ZFPM2: variants seen among roughly 807,000 people sequenced by gnomAD.
The protein encoded by ZFPM2 is zinc finger protein, FOG family member 2, also known as zinc finger protein ZFPM2.
In ZFPM2, 20 loss-of-function variants were observed where a neutral mutation model predicts 98.6. The observed-to-expected ratio is 0.20, with a 90% confidence interval of 0.14 to 0.29. ZFPM2 has a LOEUF of 0.29. ZFPM2 is among the 10% of genes least tolerant of loss of function. The pLI, the probability that ZFPM2 is intolerant of heterozygous loss-of-function variation, is 1.00. For missense variants in ZFPM2, 1,310 were observed against 1,388.6 expected (o/e 0.94, Z 0.90); for synonymous variants, 518 against 502.7 (o/e 1.03, Z -0.41).
intron 5 of ZFPM2, among the ~76,000 whole-genome samples, chr8:105,739,609 CT>C (rs952633959): frequency 5.0e-4 from 72 of 144,892 alleles, no homozygotes; most frequent in Admixed American, 6.2e-4. Context: ...TAAATTTTTG[CT>C]TTTTTTTTTT....
intron 3 of ZFPM2, among the ~76,000 whole-genome samples, chr8:105,483,150 G>A (rs1474714183): frequency 2.0e-5 from 3 of 151,634 alleles, no homozygotes; most frequent in African/African-American, 4.9e-5. Context: ...CATGAGCCAC[G>A]GCACACAGCC....
At chr8:105,609,447 GA>G in intron 4 of ZFPM2, among the ~76,000 whole-genome samples, 1 of 152,190 alleles carries the variant, frequency 6.6e-6, no homozygotes, top group Non-Finnish European at 1.5e-5. Context: ...TGGGAAGTGA[GA>G]GTTTTAAAGA....
At chr8:105,751,494 A>C (rs890573554) in intron 5 of ZFPM2, among the ~76,000 whole-genome samples, 2 of 152,082 alleles carry the variant, frequency 1.3e-5, no homozygotes, top group African/African-American at 4.8e-5. Context: ...CTCTGACCTC[A>C]TGACTCACAA....
intron 3 of ZFPM2, among the ~76,000 whole-genome samples, chr8:105,517,707 C>CCACACACACACACACCACACACACA (rs1813962175): frequency 8.0e-6 from 1 of 124,890 alleles, no homozygotes; most frequent in Admixed American, 8.2e-5. Flanking sequence ...CACACACACA[C>CCACACACACACACACCACACACACA]CACACACACA....
intron 1 of ZFPM2, among the ~76,000 whole-genome samples, chr8:105,346,765 A>G (rs1220284928): frequency 2.0e-5 from 3 of 152,186 alleles, no homozygotes; most frequent in Admixed American, 2.0e-4. Context: ...AATATTTGGA[A>G]TGGGTTAAGG....
chr8:105,437,694 C>T (rs1726456744), intron 2 of ZFPM2, among the ~76,000 whole-genome samples: 1 of 152,140 alleles, frequency 6.6e-6, no homozygotes, highest in African/African-American at 2.4e-5. Flanking sequence ...AACTTAATTA[C>T]CATAATCTTT....
intron 3 of ZFPM2, among the ~76,000 whole-genome samples, chr8:105,558,128 G>A (rs1424325178): frequency 1.3e-5 from 2 of 151,192 alleles, no homozygotes; most frequent in African/African-American, 4.9e-5. Flanking sequence ...TTAATTTTTG[G>A]AAAAAAAATA....
At chr8:105,464,968 C>A (rs866425885) in intron 3 of ZFPM2, among the ~76,000 whole-genome samples, 2 of 146,850 alleles carry the variant, frequency 1.4e-5, no homozygotes, top group Non-Finnish European at 3.0e-5. Context: ...AAAAAAAAGT[C>A]TAACCTTTCT....
chr8:105,385,062 G>T (rs1326131849), intron 1 of ZFPM2, among the ~76,000 whole-genome samples: 1 of 152,102 alleles, frequency 6.6e-6, no homozygotes, highest in Non-Finnish European at 1.5e-5. Flanking sequence ...CAGCTCAGAA[G>T]TTACAAAGCC....
chr8:105,763,708 T>C (rs1211569860), intron 5 of ZFPM2, among the ~76,000 whole-genome samples: 3 of 151,878 alleles, frequency 2.0e-5, no homozygotes, highest in African/African-American at 7.2e-5. Context: ...GCTAAATATT[T>C]ATAGTTGAGT....
rs779273741 is a variant in ZFPM2, at chr8:105,803,159, C to T, written c.3077C>T (p.Ala1026Val). 58 of 1,613,728 alleles carry T rather than the reference C, an allele frequency of 3.6e-5. No individual in the cohort carries two copies. The South Asian group carries it at 3.6e-4, about 10-fold the overall frequency. ...CAGGCTTCCTCAAATGGGTGTGCTG[C>T]GCTGAAGAAAGATTCTCTGCCATTG... is the stretch of plus-strand genomic sequence containing the variant. ...KGQASSNGCAALKKDSLPLLP... is the reference protein window; with the variant it reads ...KGQASSNGCAVLKKDSLPLLP... The change falls in exon 8 of 8, where the codon GCG becomes GTG. Residue 1026 changes from alanine to valine, a missense_variant. Ala to Val is a moderately conservative substitution (Grantham distance 64, BLOSUM62 0). Coordinates refer to ENST00000407775, the MANE Select transcript of ZFPM2 (RefSeq NM_012082.4).
intron 4 of ZFPM2, among the ~76,000 whole-genome samples, chr8:105,620,789 A>T (rs192868437): frequency 2.0e-5 from 3 of 152,158 alleles, no homozygotes; most frequent in Non-Finnish European, 4.4e-5. Context: ...TAAATAGGGA[A>T]TCCTTTCCCC....
chr8:105,426,922 A>C (rs1811925297), intron 2 of ZFPM2, among the ~76,000 whole-genome samples: 1 of 152,130 alleles, frequency 6.6e-6, no homozygotes, highest in Non-Finnish European at 1.5e-5. Flanking sequence ...ATGCCACTGC[A>C]CTCCAGCCTG....
At chr8:105,455,796 G>T (rs1812577734) in intron 3 of ZFPM2, among the ~76,000 whole-genome samples, 1 of 152,184 alleles carries the variant, frequency 6.6e-6, no homozygotes, top group Admixed American at 6.5e-5. Flanking sequence ...CATGTTTATG[G>T]AGTAAGATGA....
At chr8:105,631,739 AT>A (rs1816758768) in intron 4 of ZFPM2, among the ~76,000 whole-genome samples, 1 of 152,150 alleles carries the variant, frequency 6.6e-6, no homozygotes, top group African/African-American at 2.4e-5. Context: ...AAGGCACAGG[AT>A]TGAGTTTGCT....
chr8:105,363,161 C>G (rs1810440364), intron 1 of ZFPM2, among the ~76,000 whole-genome samples: 2 of 152,104 alleles, frequency 1.3e-5, no homozygotes, highest in African/African-American at 4.8e-5. Flanking sequence ...TTCTTAGTAC[C>G]TCTTTCAAGG....
At chr8:105,461,745 T>C (rs1310972613) in intron 3 of ZFPM2, among the ~76,000 whole-genome samples, 2 of 152,172 alleles carry the variant, frequency 1.3e-5, no homozygotes, top group African/African-American at 2.4e-5. Flanking sequence ...ATGAGAGATA[T>C]AAGAGCGAAC....
intron 5 of ZFPM2, among the ~76,000 whole-genome samples, chr8:105,700,655 G>T (rs1386713500): frequency 6.6e-6 from 1 of 152,036 alleles, no homozygotes; most frequent in Non-Finnish European, 1.5e-5. Flanking sequence ...CAGTGCAGTA[G>T]CATGATCTCC....
At chr8:105,535,096 G>A (rs1313030378) in intron 3 of ZFPM2, among the ~76,000 whole-genome samples, 2 of 152,090 alleles carry the variant, frequency 1.3e-5, no homozygotes, top group Non-Finnish European at 2.9e-5. Flanking sequence ...ATATCATTGG[G>A]GAATAAATAG....
Sources: allele counts gnomAD v4.1 joint callset (sites outside exome capture counted in the v4.1 genomes callset), GRCh38; gene constraint gnomAD v4.1.1; transcripts MANE v1.5; gene names NCBI Gene and HGNC (gene_info 2026-07-23, HGNC 2026-07-21).